Variants in DLGAP2 observed in about 807,000 individuals in gnomAD.
The protein encoded by DLGAP2 is disks large-associated protein 2.
Under a neutral mutation model 100.3 loss-of-function variants are expected in DLGAP2, and 26 were observed. The observed-to-expected ratio is 0.26, with a 90% CI of 0.19 to 0.36. The LOEUF is 0.36. Ranked by LOEUF, DLGAP2 falls within the 10% of genes least tolerant of loss-of-function variation. DLGAP2 has a pLI of 1.00. For missense variants in DLGAP2, 1,858 were observed against 1,453.2 expected, an observed-to-expected ratio of 1.28 and a Z score of -4.53; for synonymous variants, 886 against 630.1, an observed-to-expected ratio of 1.41 and a Z score of -6.08.
At chr8:1,271,656 C>T (rs1026989001) in intron 3 of DLGAP2, among the ~76,000 whole-genome samples, 69 of 152,256 alleles carry the variant, frequency 4.5e-4, no homozygotes, top group African/African-American at 1.6e-3. Context: ...ATGGTTCCCA[C>T]AAGTGGTGAA....
intron 3 of DLGAP2, among the ~76,000 whole-genome samples, chr8:1,290,914 G>A (rs944937878): frequency 2.0e-4 from 30 of 152,136 alleles, no homozygotes; most frequent in African/African-American, 2.7e-4. Flanking sequence ...TTAGTGTACC[G>A]TTCACTGGTG....
chr8:1,539,995 T>C (rs1338015217), intron 4 of DLGAP2, among the ~76,000 whole-genome samples: 1 of 152,172 alleles, frequency 6.6e-6, no homozygotes, highest in African/African-American at 2.4e-5. Context: ...AGCAAAGTCC[T>C]GTTATTATTG....
chr8:1,501,573 G>A (rs1263752880), intron 4 of DLGAP2, 142 bp downstream of exon 4: 7 of 831,860 alleles, frequency 8.4e-6, no homozygotes, highest in South Asian at 3.7e-5. Flanking sequence ...AGTACAATGC[G>A]GCACTTTTTT....
intron 6 of DLGAP2, among the ~76,000 whole-genome samples, chr8:1,576,684 G>A (rs1802993778): frequency 6.6e-6 from 1 of 152,126 alleles, no homozygotes; most frequent in Admixed American, 6.6e-5. Context: ...GCTACGTATG[G>A]CTAGCCAGTT....
chr8:979,804 A>G (rs1442819930), intron 2 of DLGAP2, among the ~76,000 whole-genome samples: 1 of 152,236 alleles, frequency 6.6e-6, no homozygotes, highest in Non-Finnish European at 1.5e-5. Context: ...GTTTTGTCAC[A>G]TGGCCTGCCT....
intron 3 of DLGAP2, among the ~76,000 whole-genome samples, chr8:1,431,040 A>G (rs931949016): frequency 6.6e-6 from 1 of 152,240 alleles, no homozygotes; most frequent in Admixed American, 6.5e-5. Flanking sequence ...AACAAAGCAA[A>G]TATTTGGACA....
chr8:1,261,138 G>T (rs541094921), intron 3 of DLGAP2, among the ~76,000 whole-genome samples: 347 of 151,952 alleles, frequency 2.3e-3, no homozygotes, highest in African/African-American at 8.1e-3. Flanking sequence ...AGACAGACTG[G>T]GAGGGCAGGT....
At chr8:1,219,038 T>G (rs1369003986) in intron 2 of DLGAP2, among the ~76,000 whole-genome samples, 1 of 152,196 alleles carries the variant, frequency 6.6e-6, no homozygotes, top group African/African-American at 2.4e-5. Context: ...ACTGCGGGGT[T>G]TTCTAGGTAT....
In DLGAP2 at chr8:1,515,779, A is replaced by T. The variant is rs1395951743; in HGVS notation, c.172+14348A>T. Reference sequence around the variant, plus strand: ...ACATGCACAAACATACAACACATACAACACACCTGACCTGTCTGCCCCTCC... The same window carrying T: ...ACATGCACAAACATACAACACATACTACACACCTGACCTGTCTGCCCCTCC... On this transcript the variant is annotated intron_variant, in intron 4 of 14. Coordinates refer to ENST00000637795, the MANE Select transcript of DLGAP2 (RefSeq NM_001346810.2). Among the ~76,000 whole-genome samples, 8 of 152,076 alleles carry T rather than the reference A, an allele frequency of 5.3e-5. No individual in the cohort carries two copies. In the South Asian group the frequency reaches 1.7e-3, roughly 32 times the overall value.
At position 1,134,361 on chromosome 8, in the gene DLGAP2, G is replaced by C. The variant is rs571742687; in HGVS notation, c.74-124490G>C. On this transcript the variant is annotated intron_variant, in intron 2 of 14. Coordinates refer to ENST00000637795, the MANE Select transcript of DLGAP2 (RefSeq NM_001346810.2). ...TGGGTTTATACCCAGTCATGGGATT[G>C]CTTGGTGCAATGGTAGTTCTGTTTT... Among the ~76,000 whole-genome samples the C allele has an allele frequency of 5.9e-5, 9 of 152,298 alleles. No homozygotes were observed. The East Asian group carries it at 1.7e-3, about 29-fold the overall frequency.
chr8:808,856 C>A (rs899872636), intron 1 of DLGAP2, among the ~76,000 whole-genome samples: 1 of 151,470 alleles, frequency 6.6e-6, no homozygotes, highest in Non-Finnish European at 1.5e-5. Flanking sequence ...TATATGTGAC[C>A]CTTAGGTACT....
chr8:1,497,205 A>C (rs577424030), intron 3 of DLGAP2, among the ~76,000 whole-genome samples: 136 of 152,232 alleles, frequency 8.9e-4, no homozygotes, highest in Non-Finnish European at 1.2e-3. Flanking sequence ...GATTCCCAAG[A>C]CTTCTCAGTC....
At chr8:1,272,645 G>T (rs1049446116) in intron 3 of DLGAP2, among the ~76,000 whole-genome samples, 8 of 152,122 alleles carry the variant, frequency 5.3e-5, no homozygotes, top group Non-Finnish European at 1.2e-4. Flanking sequence ...AGTGTGAAGC[G>T]CTGGACATGG....
chr8:825,472 C>T (rs146234673), intron 1 of DLGAP2, among the ~76,000 whole-genome samples: 1,618 of 152,310 alleles, frequency 0.011, 29 homozygotes, highest in African/African-American at 0.036. Context: ...AGGCAGTCTT[C>T]AGCACCACCA....
At chr8:1,107,241 G>A (rs932796803) in intron 2 of DLGAP2, among the ~76,000 whole-genome samples, 10 of 152,178 alleles carry the variant, frequency 6.6e-5, no homozygotes, top group Admixed American at 5.2e-4. Flanking sequence ...TCTGTAAAAT[G>A]GAGACAATAG....
At chr8:741,377 T>C (rs1448003771) in intron 1 of DLGAP2, among the ~76,000 whole-genome samples, 1 of 152,230 alleles carries the variant, frequency 6.6e-6, no homozygotes, top group Non-Finnish European at 1.5e-5. Flanking sequence ...TCTGTTTTTC[T>C]TTTTTCATGT....
intron 3 of DLGAP2, among the ~76,000 whole-genome samples, chr8:1,366,672 AG>A (rs1433337918): frequency 6.6e-6 from 1 of 152,144 alleles, no homozygotes; most frequent in Non-Finnish European, 1.5e-5. Flanking sequence ...TGCAGAAGAA[AG>A]GGGCAGGACA....
intron 3 of DLGAP2, among the ~76,000 whole-genome samples, chr8:1,392,293 C>T (rs993052287): frequency 2.6e-5 from 4 of 152,106 alleles, no homozygotes; most frequent in Non-Finnish European, 5.9e-5. Context: ...CAGTCCAGAT[C>T]CTGGGTTGAG....
intron 2 of DLGAP2, among the ~76,000 whole-genome samples, chr8:1,179,066 A>T (rs1013764148): frequency 1.3e-5 from 2 of 152,254 alleles, no homozygotes; most frequent in African/African-American, 2.4e-5. Context: ...GCATGTGCAC[A>T]CTTAAACAGG....
Sources: gnomAD v4.1 joint callset for allele counts (sites outside exome capture counted in the v4.1 genomes callset) on GRCh38, gnomAD v4.1.1 for gene constraint, MANE v1.5 for transcripts, NCBI Gene and HGNC (gene_info 2026-07-23, HGNC 2026-07-21) for gene names.